The following KIAA1328 variants were observed in gnomAD, a reference collection of about 807,000 sequenced individuals.
The protein encoded by KIAA1328 is protein hinderin.
A neutral mutation model predicts 68.1 loss-of-function variants in KIAA1328; 52 were observed. The observed-to-expected ratio is 0.76, with a 90% CI of 0.61 to 0.96. The LOEUF (loss-of-function observed/expected upper bound fraction) is 0.96. KIAA1328 is among the 40% of genes least tolerant of loss of function. The pLI is 0.00. For synonymous variants in KIAA1328, 232 were observed against 239.4 expected (o/e 0.97, Z 0.28); for missense variants, 641 against 677.6 (o/e 0.95, Z 0.60).
intron 6 of KIAA1328, among the ~76,000 whole-genome samples, chr18:36,966,171 T>A (rs1329200161): frequency 6.6e-6 from 1 of 152,246 alleles, no homozygotes; most frequent in African/African-American, 2.4e-5. Context: ...TCAAGCAAAA[T>A]CATTCTTCAA....
intron 6 of KIAA1328, among the ~76,000 whole-genome samples, chr18:37,042,922 A>G (rs980489745): frequency 1.3e-5 from 2 of 151,818 alleles, no homozygotes; most frequent in African/African-American, 4.8e-5. Flanking sequence ...GTTAGTTTTT[A>G]TCATTCTTTT....
intron 7 of KIAA1328, among the ~76,000 whole-genome samples, chr18:37,101,741 G>C (rs1191744831): frequency 6.6e-6 from 1 of 152,128 alleles, no homozygotes; most frequent in Non-Finnish European, 1.5e-5. Flanking sequence ...TGAAATGAAG[G>C]AAAAAATGTT....
At chr18:36,967,469 G>A (rs1281764644) in intron 6 of KIAA1328, among the ~76,000 whole-genome samples, 1 of 152,156 alleles carries the variant, frequency 6.6e-6, no homozygotes, top group African/African-American at 2.4e-5. Flanking sequence ...GAGTTGGTCT[G>A]GCCTTTTGAC....
chr18:36,872,370 T>A (rs559259998), intron 4 of KIAA1328, among the ~76,000 whole-genome samples: 3 of 151,968 alleles, frequency 2.0e-5, no homozygotes, highest in Non-Finnish European at 4.4e-5. Flanking sequence ...AAGTATCTAG[T>A]AAAAGTAGTA....
At chr18:36,976,755 A>C (rs1341833104) in intron 6 of KIAA1328, among the ~76,000 whole-genome samples, 1 of 152,128 alleles carries the variant, frequency 6.6e-6, no homozygotes, top group Non-Finnish European at 1.5e-5. Flanking sequence ...GATGTTATCT[A>C]AGATTCCTTC....
chr18:37,199,294 T>C (rs1194030484), intron 9 of KIAA1328, among the ~76,000 whole-genome samples: 6 of 152,140 alleles, frequency 3.9e-5, no homozygotes, highest in Non-Finnish European at 7.4e-5. Flanking sequence ...TGTTCCCCTC[T>C]ATGTGTCCAT....
intron 7 of KIAA1328, among the ~76,000 whole-genome samples, chr18:37,079,093 A>G (rs1322306547): frequency 2.0e-5 from 3 of 148,908 alleles, no homozygotes; most frequent in African/African-American, 7.6e-5. Context: ...ATGTCCAACA[A>G]TGATAGACTG....
At chr18:37,211,090 A>G (rs1432673230) in intron 9 of KIAA1328, among the ~76,000 whole-genome samples, 1 of 152,246 alleles carries the variant, frequency 6.6e-6, no homozygotes, top group Non-Finnish European at 1.5e-5. Context: ...TTGGAGGAAA[A>G]GATAGCTCAG....
Position 37,222,084 on chromosome 18 carries a change from T to C in KIAA1328, c.1591T>C (p.Tyr531His). The stretch of plus-strand genomic sequence containing the variant: ...AAACTCTGCGCCCAAACCTCAGCGC[T>C]ATCCCTCCAGAGAAGCTGGGGCCTG... ...SPNSAPKPQR[Y>H]PSREAGAWNH... The change falls in exon 10 of 10, where the codon TAT (tyrosine) becomes CAT (histidine). Residue 531 changes from tyrosine to histidine, a missense_variant. Transcript: ENST00000280020. 6.2e-7 allele frequency: 1 copy of C among 1,613,738 alleles called. No homozygotes were observed. Among genetic ancestry groups the C allele is most frequent in the South Asian group, 1.1e-5 (1 of 90,984 alleles).
chr18:36,961,182 T>A (rs2051652766), intron 6 of KIAA1328, among the ~76,000 whole-genome samples: 1 of 152,198 alleles, frequency 6.6e-6, no homozygotes, highest in African/African-American at 2.4e-5. Context: ...CAAGCTTCAA[T>A]AGCTGATTCA....
At chr18:37,071,888 A>T (rs1321544440) in intron 7 of KIAA1328, among the ~76,000 whole-genome samples, 1 of 152,204 alleles carries the variant, frequency 6.6e-6, no homozygotes, top group Non-Finnish European at 1.5e-5. Flanking sequence ...TAATTGTCTT[A>T]AAGAGTTTCT....
Position 37,182,029 on chromosome 18 carries a change from T to A in KIAA1328, c.1523+8948T>A, listed in dbSNP as rs186093082. ...TTTCCTTTGTCAACCCAGCAATAGA[T>A]GAGGATTATCCTTCCTTGTTGTGTC... On this transcript the variant is annotated intron_variant, in intron 9 of 9. Coordinates refer to ENST00000280020, the MANE Select transcript of KIAA1328 (RefSeq NM_020776.3). Among the ~76,000 whole-genome samples, 59 of 152,254 alleles carry A rather than the reference T, an allele frequency of 3.9e-4. 1 individual carries two copies. In the East Asian group the frequency reaches 0.011, roughly 29 times the overall value.
chr18:37,063,642 C>A (rs1181314765), intron 6 of KIAA1328: 1 of 985,182 alleles, frequency 1.0e-6, no homozygotes, highest in African/African-American at 1.7e-5. Context: ...AGGTAATTGA[C>A]AGAGCATTGC....
chr18:37,057,118 G>GA (rs1295656567), intron 6 of KIAA1328, among the ~76,000 whole-genome samples: 20 of 151,886 alleles, frequency 1.3e-4, no homozygotes, highest in African/African-American at 4.8e-4. Flanking sequence ...TTATTACATA[G>GA]AAAAAAATGT....
downstream of KIAA1328, among the ~76,000 whole-genome samples, chr18:37,226,921 C>A (rs938564796): frequency 6.6e-6 from 1 of 152,174 alleles, no homozygotes; most frequent in African/African-American, 2.4e-5. Context: ...GCATTCGCCA[C>A]CACGCCCAAC....
chr18:36,918,485 T>G (rs928518605), intron 5 of KIAA1328, among the ~76,000 whole-genome samples: 19 of 150,200 alleles, frequency 1.3e-4, no homozygotes, highest in African/African-American at 4.7e-4. Context: ...CAATCTTGGC[T>G]CACTGCAACC....
chr18:37,197,045 T>C (rs2060016637), intron 9 of KIAA1328, among the ~76,000 whole-genome samples: 1 of 152,078 alleles, frequency 6.6e-6, no homozygotes, highest in African/African-American at 2.4e-5. Context: ...TCTCTATTTC[T>C]TCTAGGTTTT....
chr18:36,955,990 C>G (rs915377191), intron 5 of KIAA1328: 7 of 152,128 alleles, frequency 4.6e-5, no homozygotes, highest in Non-Finnish European at 1.0e-4. Context: ...AGTAGTATAT[C>G]CTATCTCCGG....
intron 7 of KIAA1328, among the ~76,000 whole-genome samples, chr18:37,151,831 G>A (rs941137832): frequency 2.6e-5 from 4 of 152,054 alleles, no homozygotes; most frequent in African/African-American, 9.7e-5. Flanking sequence ...CATAGAAGAG[G>A]GCAGCTAGGC....
Sources: gnomAD v4.1 joint callset for allele counts (sites outside exome capture counted in the v4.1 genomes callset) on GRCh38, gnomAD v4.1.1 for gene constraint, MANE v1.5 for transcripts, NCBI Gene and HGNC (gene_info 2026-07-23, HGNC 2026-07-21) for gene names.